Variants in ODAD1 observed in about 807,000 individuals in gnomAD.
ODAD1 encodes outer dynein arm-docking complex subunit 1.
In ODAD1, 49 loss-of-function variants were observed where a neutral mutation model predicts 67.2. The observed-to-expected ratio is 0.73, with a 90% CI of 0.58 to 0.92. ODAD1 has a LOEUF of 0.92. Among genes scored for constraint, ODAD1 ranks in the 40% least tolerant of loss-of-function variants. ODAD1 has a pLI of 0.00. For missense variants in ODAD1, 897 were observed against 953.7 expected (o/e 0.94, Z 0.78); for synonymous variants, 345 against 393.7 (o/e 0.88, Z 1.46).
Position 48,297,670 on chromosome 19 carries a change from T to TG in ODAD1, c.1503-3dup. The stretch of plus-strand genomic sequence containing the variant: ...GCCTCAAAACCCGGGGGGTCTTCTC[T>TG]GGGGAGGGGAAGGAAAATTGGAAAA... On this transcript the variant is annotated splice_region_variant and splice_polypyrimidine_tract_variant and intron_variant, in intron 14 of 15. Coordinates refer to ENST00000674294, the MANE Select transcript of ODAD1 (RefSeq NM_001364171.2). The TG allele has an allele frequency of 6.6e-7, 1 of 1,505,612 alleles. No individual in the cohort carries two copies. 93.3% of individuals were successfully genotyped at this position (1,505,612 alleles called of 1,614,324 possible).
At position 48,296,935 on chromosome 19, in the gene ODAD1, A is replaced by G. The variant is rs1968299545; in HGVS notation, c.*41T>C. On this transcript the variant is annotated 3_prime_UTR_variant, in exon 16 of 16. Transcript: ENST00000674294. ...AAGTAGAGACACAAAAAAAGACCCCACAGAGAGCCAGGGCAGGGTGGGGGC... is the reference window on the plus strand; with the variant it reads ...AAGTAGAGACACAAAAAAAGACCCCGCAGAGAGCCAGGGCAGGGTGGGGGC... The G allele has an allele frequency of 6.6e-7, 1 of 1,520,848 alleles. No individual in the cohort carries two copies. Among genetic ancestry groups the G allele is most frequent in the African/African-American group, 1.4e-5 (1 of 71,740 alleles). 94.2% of individuals were successfully genotyped at this position (1,520,848 alleles called of 1,614,324 possible).
In ODAD1 at chr19:48,297,127, C is replaced by T. The variant is rs1380424120; in HGVS notation, c.1973G>A (p.Gly658Asp). 6.2e-7 allele frequency: 1 copy of T among 1,613,960 alleles called. No individual in the cohort carries two copies. The highest frequency in any genetic ancestry group is 8.5e-7 in the Non-Finnish European group (1 of 1,179,994). The change falls in exon 16 of 16, where the codon GGC becomes GAC. Residue 658 changes from glycine to aspartate, a missense_variant. By Grantham distance (94) the Gly-to-Asp change is moderately conservative. Transcript: ENST00000674294. The stretch of plus-strand genomic sequence containing the variant: ...CACACCACCCTCTGTGTTTTCTCCG[C>T]CCCTGCTGGACCCCACGTATCCAGT... ...GSTGYVGSSR[G>D]GENTEGGVES...
At chr19:48,320,911 G>A in intron 1 of ODAD1, 100 bp from the exon 2 acceptor site, 1 of 153,794 alleles carries the variant, frequency 6.5e-6, no homozygotes, top group South Asian at 1.9e-4. Flanking sequence ...AGGATGCGAG[G>A]CGTAGACCTG....
intron 7 of ODAD1, among the ~76,000 whole-genome samples, chr19:48,307,630 A>T (rs2147322681): frequency 6.6e-6 from 1 of 152,114 alleles, no homozygotes; most frequent in South Asian, 2.1e-4. Flanking sequence ...CCTGGCTAAC[A>T]CGGCAAAACC....
At chr19:48,303,882 C>T (rs1296783842) in intron 9 of ODAD1, 71 bp downstream of exon 9, 14 of 1,582,256 alleles carry the variant, frequency 8.8e-6, no homozygotes, top group Admixed American at 8.6e-5. Context: ...ACCTGGGGCA[C>T]GAAGGTGTGC....
intron 12 of ODAD1, among the ~76,000 whole-genome samples, chr19:48,299,716 C>T (rs555778644): frequency 5.9e-5 from 9 of 152,034 alleles, no homozygotes; most frequent in Non-Finnish European, 8.8e-5. Context: ...GCAGGAGAAT[C>T]GCTTGAACCA....
rs761770924 is a variant in ODAD1, at chr19:48,297,251, C to A, written c.1849G>T (p.Asp617Tyr). The A allele has an allele frequency of 3.1e-6, 5 of 1,614,080 alleles. No individual in the cohort carries two copies. In the South Asian group the frequency reaches 5.5e-5, roughly 18 times the overall value. ...AAGGTCACGTGGCCAGTGTTGGGGT[C>A]ACCGTGCGTGATGTGGCTGGGCAAA... ...GHLPSHITHG[D>Y]PNTGHVTFGS... The change falls in exon 16 of 16, where the codon GAC becomes TAC. Residue 617 changes from aspartate to tyrosine, a missense_variant. Physicochemically the swap from Asp to Tyr is radical, Grantham distance 160. Coordinates refer to ENST00000674294, the MANE Select transcript of ODAD1 (RefSeq NM_001364171.2).
intron 7 of ODAD1, among the ~76,000 whole-genome samples, chr19:48,308,863 C>T (rs1000849574): frequency 5.9e-5 from 9 of 152,158 alleles, no homozygotes; most frequent in African/African-American, 1.7e-4. Context: ...TCTGCCCTCC[C>T]GGGTGCAGCT....
intron 7 of ODAD1, among the ~76,000 whole-genome samples, chr19:48,307,745 G>A (rs552394677): frequency 6.6e-6 from 1 of 151,836 alleles, no homozygotes; most frequent in South Asian, 2.1e-4. Flanking sequence ...AACCTGGGAG[G>A]CGGAGCTTGC....
At chr19:48,300,827 A>C (rs970097533) in intron 12 of ODAD1, among the ~76,000 whole-genome samples, 4 of 152,196 alleles carry the variant, frequency 2.6e-5, no homozygotes, top group African/African-American at 9.7e-5. Context: ...TTAGATGGCT[A>C]ATATTAAAAT....
At chr19:48,305,151 G>A (rs1389490231) in intron 8 of ODAD1, among the ~76,000 whole-genome samples, 1 of 152,176 alleles carries the variant, frequency 6.6e-6, no homozygotes, top group African/African-American at 2.4e-5. Flanking sequence ...AGCATTTGGA[G>A]CAAAAGAAGA....
At position 48,304,049 on chromosome 19, in the gene ODAD1, G is replaced by C. The variant is rs1968541853; in HGVS notation, c.757C>G (p.Gln253Glu). Residue 253 changes from glutamine (Q) to glutamate (E), a missense_variant, in exon 9 of 16, where the codon CAG becomes GAG. Gln to Glu is a conservative substitution (Grantham distance 29, BLOSUM62 2). Transcript: ENST00000674294. ...SEMEAQVLQR[Q>E]ILHLEQLHHF... ...TGCAGCTGCTCCAGGTGCAAGATCTGCCGCTGCAGGACCTGCGCCTCCATC... is the reference window on the plus strand; with the variant it reads ...TGCAGCTGCTCCAGGTGCAAGATCTCCCGCTGCAGGACCTGCGCCTCCATC... The C allele has an allele frequency of 1.9e-6, 3 of 1,614,088 alleles. No homozygotes were observed.
chr19:48,305,061 G>A (rs1231674888), intron 8 of ODAD1, among the ~76,000 whole-genome samples: 1 of 152,142 alleles, frequency 6.6e-6, no homozygotes, highest in Non-Finnish European at 1.5e-5. Context: ...AGACCCTAAG[G>A]CCGACCCAGG....
At chr19:48,313,713 T>C (rs1452193907) in intron 5 of ODAD1, among the ~76,000 whole-genome samples, 2 of 151,788 alleles carry the variant, frequency 1.3e-5, no homozygotes, top group Non-Finnish European at 2.9e-5. Context: ...CAAGACCCCA[T>C]CTCTACAAGA....
chr19:48,319,605 G>A (rs1389324123), intron 3 of ODAD1: 2 of 179,330 alleles, frequency 1.1e-5, no homozygotes, highest in Non-Finnish European at 1.1e-5. Context: ...TCAGCTCACT[G>A]CAGCCTCCAC....
At chr19:48,317,032 G>A (rs969883291) in intron 5 of ODAD1, among the ~76,000 whole-genome samples, 2 of 152,078 alleles carry the variant, frequency 1.3e-5, no homozygotes, top group Non-Finnish European at 2.9e-5. Flanking sequence ...GTCTCTCTCT[G>A]TTGCCCAGGC....
At chr19:48,302,614 T>C in intron 12 of ODAD1, 80 bp downstream of exon 12, 2 of 1,232,334 alleles carry the variant, frequency 1.6e-6, no homozygotes, top group Non-Finnish European at 2.3e-6. Context: ...GTCCATGCAA[T>C]GCCTCCAAGC....
chr19:48,304,617 CA>C (rs11324459), intron 8 of ODAD1, among the ~76,000 whole-genome samples: 135,497 of 143,120 alleles, frequency 0.95, 64,223 homozygotes, highest in East Asian at 0.99. Context: ...GAAACTGTCT[CA>C]AAAAAAAAAA....
Position 48,303,480 on chromosome 19 carries a change from G to A in ODAD1, c.988+170C>T. 3 of 736,858 alleles carry A rather than the reference G, an allele frequency of 4.1e-6. No individual in the cohort carries two copies. In the Admixed American group the frequency reaches 8.3e-5, roughly 20 times the overall value. 45.6% of individuals were successfully genotyped at this position (736,858 alleles called of 1,614,324 possible). ...GAGGGGGTGGGGAGGGGCAGAGACAGGGCCACGGTAAGACGCCAGTGGACG... is the reference window on the plus strand; with the variant it reads ...GAGGGGGTGGGGAGGGGCAGAGACAAGGCCACGGTAAGACGCCAGTGGACG... On this transcript the variant is annotated intron_variant, in intron 10 of 15. Coordinates refer to ENST00000674294, the MANE Select transcript of ODAD1 (RefSeq NM_001364171.2).
Sources: allele counts gnomAD v4.1 joint callset (sites outside exome capture counted in the v4.1 genomes callset), GRCh38; gene constraint gnomAD v4.1.1; transcripts MANE v1.5; gene names NCBI Gene and HGNC (gene_info 2026-07-23, HGNC 2026-07-21).